The following ADGRL2 variants were observed in gnomAD, a reference collection of about 807,000 sequenced individuals.
ADGRL2 encodes calcium-independent alpha-latrotoxin receptor 2.
In ADGRL2, 44 loss-of-function variants were observed where a neutral mutation model predicts 157.4. The observed-to-expected ratio is 0.28, with a 90% CI of 0.22 to 0.36. ADGRL2 has a LOEUF of 0.36. Among genes scored for constraint, ADGRL2 ranks in the 10% least tolerant of loss-of-function variants. The pLI, the probability that ADGRL2 is intolerant of heterozygous loss-of-function variation, is 1.00. For missense variants in ADGRL2, 1,510 were observed against 1,768.9 expected (o/e 0.85, Z 2.63); for synonymous variants, 585 against 624.7 (o/e 0.94, Z 0.95).
At chr1:81,934,652 G>A (rs1233412268) in intron 3 of ADGRL2, among the ~76,000 whole-genome samples, 1 of 151,852 alleles carries the variant, frequency 6.6e-6, no homozygotes, top group African/African-American at 2.4e-5. Flanking sequence ...TTGTGAGAAG[G>A]GAAGGTTGAT....
At chr1:81,873,126 A>C (rs909611687) in intron 2 of ADGRL2, among the ~76,000 whole-genome samples, 2 of 152,122 alleles carry the variant, frequency 1.3e-5, no homozygotes, top group Non-Finnish European at 2.9e-5. Flanking sequence ...ACCTATTTCC[A>C]AGATGGTATA....
chr1:81,730,568 C>T (rs1216954187), intron 1 of ADGRL2, among the ~76,000 whole-genome samples: 1 of 151,954 alleles, frequency 6.6e-6, no homozygotes, highest in Admixed American at 6.6e-5. Context: ...ACTAAAATTA[C>T]AAAACTTAGC....
intron 2 of ADGRL2, among the ~76,000 whole-genome samples, chr1:81,900,815 A>G (rs2094471461): frequency 6.6e-6 from 1 of 152,168 alleles, no homozygotes; most frequent in African/African-American, 2.4e-5. Flanking sequence ...TGGAGACTTA[A>G]TAATGGGCCT....
chr1:81,355,778 T>C (rs1477887055), intron 1 of ADGRL2, among the ~76,000 whole-genome samples: 1 of 152,150 alleles, frequency 6.6e-6, no homozygotes, highest in East Asian at 1.9e-4. Context: ...GAGCCTCTTT[T>C]TATGTGTCAT....
Position 81,991,417 on chromosome 1 carries a change from G to A in ADGRL2, c.*272G>A, listed in dbSNP as rs185711232. 217 of 271,192 alleles carry A rather than the reference G, an allele frequency of 8.0e-4. No individual in the cohort carries two copies. The highest frequency in any genetic ancestry group is 1.2e-3 in the Non-Finnish European group (164 of 142,596). 16.8% of individuals were successfully genotyped at this position (271,192 alleles called of 1,614,324 possible). Reference sequence around the variant, plus strand: ...TTTTAAGATTCTGCTGCTGTTTAGAGAAATTGTGAAACAAGCAAAACAAAA... The same window carrying A: ...TTTTAAGATTCTGCTGCTGTTTAGAAAAATTGTGAAACAAGCAAAACAAAA... On this transcript the variant is annotated 3_prime_UTR_variant, in exon 24 of 24. Coordinates refer to ENST00000686636, the MANE Select transcript of ADGRL2 (RefSeq NM_001366006.2).
chr1:81,689,627 CTGTT>C (rs1292911198), intron 3 of ADGRL2, among the ~76,000 whole-genome samples: 1 of 152,178 alleles, frequency 6.6e-6, no homozygotes, highest in African/African-American at 2.4e-5. Flanking sequence ...ACACCCAAAC[CTGTT>C]TGTTCTGCTG....
chr1:81,773,977 A>G (rs1372266664), intron 2 of ADGRL2, among the ~76,000 whole-genome samples: 1 of 152,204 alleles, frequency 6.6e-6, no homozygotes, highest in East Asian at 1.9e-4. Context: ...AAGGAACAAC[A>G]TGTGAACACA....
Position 81,503,641 on chromosome 1 carries a change from G to T in ADGRL2, c.-248+58552G>T, listed in dbSNP as rs551163632. ...CTCCATTCAGGTCCTGCTGTACTCC[G>T]GGGGCAGGGAGAGGCTAGAGGGGCA... On this transcript the variant is annotated intron_variant, in intron 2 of 24. Transcript: ENST00000370721. 2.4e-3 allele frequency among the ~76,000 whole-genome samples: 359 copies of T among 152,282 alleles called. 3 individuals are homozygous for T. Among genetic ancestry groups the T allele is most frequent in the African/African-American group, 8.1e-3 (335 of 41,552 alleles).
intron 2 of ADGRL2, among the ~76,000 whole-genome samples, chr1:81,461,206 G>T (rs1228358337): frequency 6.6e-6 from 1 of 152,100 alleles, no homozygotes; most frequent in Admixed American, 6.6e-5. Flanking sequence ...CCAGAAAATA[G>T]AACTAAATGT....
At chr1:81,718,251 C>G (rs900178750) in intron 1 of ADGRL2, among the ~76,000 whole-genome samples, 11 of 152,212 alleles carry the variant, frequency 7.2e-5, no homozygotes, top group African/African-American at 2.7e-4. Context: ...ATCTCTTGAC[C>G]TCATGATCTG....
At chr1:81,931,082 A>G (rs2182600) in intron 3 of ADGRL2, among the ~76,000 whole-genome samples, 58,296 of 152,100 alleles carry the variant, frequency 0.38, 11,530 homozygotes, top group Middle Eastern at 0.44. Flanking sequence ...CCGGGAGGCC[A>G]AGGTTGCAGT....
chr1:81,609,959 A>G (rs757645495), intron 3 of ADGRL2, among the ~76,000 whole-genome samples: 35 of 152,330 alleles, frequency 2.3e-4, no homozygotes, highest in Non-Finnish European at 4.3e-4. Flanking sequence ...TCGCTATGCT[A>G]ATTAGTGCAA....
chr1:81,786,824 T>C (rs1421469359), intron 2 of ADGRL2, among the ~76,000 whole-genome samples: 3 of 152,186 alleles, frequency 2.0e-5, no homozygotes, highest in African/African-American at 7.2e-5. Context: ...TTAAACTGTA[T>C]ATTAATTCAG....
chr1:81,566,176 A>G (rs908893773), intron 2 of ADGRL2, among the ~76,000 whole-genome samples: 12 of 152,190 alleles, frequency 7.9e-5, no homozygotes, highest in African/African-American at 2.7e-4. Flanking sequence ...AGGGTGTTCT[A>G]TAAACTTTGA....
At chr1:81,807,109 T>C (rs901434411) in intron 1 of ADGRL2, among the ~76,000 whole-genome samples, 1 of 151,986 alleles carries the variant, frequency 6.6e-6, no homozygotes, top group African/African-American at 2.4e-5. Flanking sequence ...TAAAAACTTT[T>C]CAAATTGATA....
chr1:81,425,067 G>C (rs1261942149), intron 1 of ADGRL2, among the ~76,000 whole-genome samples: 1 of 152,206 alleles, frequency 6.6e-6, no homozygotes, highest in African/African-American at 2.4e-5. Flanking sequence ...TTCATCAGCA[G>C]AGGCTTTCTA....
At chr1:81,363,356 A>T (rs1221997897) in intron 1 of ADGRL2, among the ~76,000 whole-genome samples, 1 of 152,020 alleles carries the variant, frequency 6.6e-6, no homozygotes, top group Non-Finnish European at 1.5e-5. Flanking sequence ...TCCTATGGTA[A>T]TTCAGTTGAA....
intron 1 of ADGRL2, among the ~76,000 whole-genome samples, chr1:81,741,321 C>T (rs577832436): frequency 4.6e-5 from 7 of 151,950 alleles, no homozygotes; most frequent in African/African-American, 1.7e-4. Flanking sequence ...TTTTAGAAAA[C>T]CTACTGGGCA....
At chr1:81,333,516 A>G (rs1661419191) in intron 1 of ADGRL2, among the ~76,000 whole-genome samples, 1 of 152,070 alleles carries the variant, frequency 6.6e-6, no homozygotes, top group African/African-American at 2.4e-5. Flanking sequence ...TCCAAGTTCA[A>G]GTGATTCTCC....
Sources: gnomAD v4.1 joint callset for allele counts (sites outside exome capture counted in the v4.1 genomes callset) on GRCh38, gnomAD v4.1.1 for gene constraint, MANE v1.5 for transcripts, NCBI Gene and HGNC (gene_info 2026-07-23, HGNC 2026-07-21) for gene names.